Variants in RTN4 observed in about 807,000 individuals in gnomAD.
RTN4 encodes reticulon 4, also known as reticulon-4.
Under a neutral mutation model 90.4 loss-of-function variants are expected in RTN4, and 32 were observed. That is an observed-to-expected ratio of 0.35 (90% confidence interval 0.27 to 0.48). The LOEUF (loss-of-function observed/expected upper bound fraction) is 0.48. RTN4 is among the 20% of genes least tolerant of loss of function. The pLI is 0.99. For synonymous variants in RTN4, 629 were observed against 552.5 expected (o/e 1.14, Z -1.94); for missense variants, 1,706 against 1,430.2 (o/e 1.19, Z -3.11).
At chr2:55,070,536 ACT>A (rs1283196851) in intron 2 of RTN4, among the ~76,000 whole-genome samples, 1 of 122,128 alleles carries the variant, frequency 8.2e-6, no homozygotes, top group Non-Finnish European at 1.6e-5. Flanking sequence ...ACTGAGCAAG[ACT>A]CTGTCTCAAA....
the RTN4 span, among the ~76,000 whole-genome samples, chr2:55,119,669 G>A: frequency 6.6e-6 from 1 of 152,114 alleles, no homozygotes; most frequent in African/African-American, 2.4e-5. Context: ...ATTACAGGGG[G>A]CAAAAAAGCA....
chr2:55,010,181 G>C (rs1214207376), intron 3 of RTN4: 3 of 1,609,890 alleles, frequency 1.9e-6, no homozygotes, highest in African/African-American at 2.7e-5. Flanking sequence ...CAGAAAAGCT[G>C]TAACTGCACA....
intron 5 of RTN4, among the ~76,000 whole-genome samples, chr2:54,981,138 G>A (rs1678084994): frequency 6.6e-6 from 1 of 152,162 alleles, no homozygotes; most frequent in African/African-American, 2.4e-5. Flanking sequence ...TACCCTTGAT[G>A]TTATTAGGAA....
At chr2:54,981,099 G>C (rs575430914) in intron 5 of RTN4, among the ~76,000 whole-genome samples, 2 of 152,180 alleles carry the variant, frequency 1.3e-5, no homozygotes, top group African/African-American at 4.8e-5. Context: ...ATACGAAAGA[G>C]GTAAGTAATA....
intron 2 of RTN4, among the ~76,000 whole-genome samples, chr2:55,073,201 A>G (rs930818942): frequency 6.6e-6 from 1 of 152,228 alleles, no homozygotes; most frequent in Non-Finnish European, 1.5e-5. Context: ...GTGTATTGCT[A>G]TGCATAAACT....
chr2:55,082,522 A>G (rs1443262185), intron 1 of RTN4, among the ~76,000 whole-genome samples: 3 of 152,206 alleles, frequency 2.0e-5, no homozygotes, highest in South Asian at 4.1e-4. Context: ...AGACCAATCT[A>G]TAACACATTT....
At chr2:55,051,838 T>C (rs757508417), upstream of RTN4, among the ~76,000 whole-genome samples, 116 of 152,354 alleles carry the variant, frequency 7.6e-4, no homozygotes, top group Non-Finnish European at 9.8e-4. Flanking sequence ...TTGGGATAAG[T>C]ATAATATTAT....
rs768788957 is a variant in RTN4, at chr2:55,025,187, T to G, written c.2912A>C (p.Lys971Thr). ...QAEIESIVKP[K>T]VLVKEAEKKL... ...TTTCTCAGCTTCTTTCACAAGAACT[T>G]TGGGTTTAACTATGCTCTCTATCTC... The change falls in exon 3 of 9, where the codon AAA becomes ACA. Residue 971 changes from lysine (K) to threonine (T), a missense_variant. Coordinates refer to ENST00000337526, the MANE Select transcript of RTN4 (RefSeq NM_020532.5). 5.6e-6 allele frequency: 9 copies of G among 1,613,692 alleles called. No individual in the cohort carries two copies. Among genetic ancestry groups the G allele is most frequent in the Admixed American group, 1.7e-5 (1 of 59,934 alleles).
intron 3 of RTN4, among the ~76,000 whole-genome samples, chr2:55,016,809 C>T (rs1573389490): frequency 6.6e-6 from 1 of 152,048 alleles, no homozygotes; most frequent in South Asian, 2.1e-4. Flanking sequence ...TAGAAAAAAT[C>T]CTTATTACTA....
chr2:55,091,853 A>ACGAGG (rs373645796), intron 1 of RTN4, among the ~76,000 whole-genome samples: 2 of 151,740 alleles, frequency 1.3e-5, no homozygotes, highest in African/African-American at 4.8e-5. Flanking sequence ...GAAAAATAAA[A>ACGAGG]AAGATGCAAA....
chr2:54,972,421 A>ATGT lies in RTN4; in HGVS notation c.*732_*734dup, dbSNP rs5831331. On this transcript the variant is annotated 3_prime_UTR_variant, in exon 9 of 9. Coordinates refer to ENST00000337526, the MANE Select transcript of RTN4 (RefSeq NM_020532.5). ...ACAGTCAGTCTGTGCAATGAAATTG[A>ATGT]TGTTGGAGTTCTATGTGTGTGGCAT... is the stretch of plus-strand genomic sequence containing the variant. 0.35 allele frequency: 52,968 copies of ATGT among 152,412 alleles called. 10,474 individuals are homozygous for ATGT. Among genetic ancestry groups the ATGT allele is most frequent in the East Asian group, 0.66 (3,395 of 5,160 alleles). The allele number at this position is 152,412 out of a possible 1,614,324, so 9.4% of individuals were successfully genotyped here.
At chr2:54,974,908 A>G in intron 5 of RTN4, 144 bp from the exon 6 acceptor site, 1 of 634,616 alleles carries the variant, frequency 1.6e-6, no homozygotes, top group Non-Finnish European at 2.8e-6. Flanking sequence ...GCAGTTCACT[A>G]TTAAGTCACG....
At chr2:55,058,357 G>C (rs904758410) in intron 2 of RTN4, among the ~76,000 whole-genome samples, 1 of 152,180 alleles carries the variant, frequency 6.6e-6, no homozygotes, top group African/African-American at 2.4e-5. Flanking sequence ...GAGGGAATCA[G>C]GGGTTTCTCT....
rs551610332 is a variant in RTN4, at chr2:54,995,366, T to C, written c.3014-7668A>G. 3.3e-4 allele frequency among the ~76,000 whole-genome samples: 50 copies of C among 152,206 alleles called. 1 individual carries two copies. The highest frequency in any genetic ancestry group is 1.1e-3 in the African/African-American group (44 of 41,524). ...ACAATTTTTGGTGAATCAGTGATGG[T>C]GGTTGTAGTGGTGGTGGGTTAAATC... On this transcript the variant is annotated intron_variant, in intron 3 of 8. Transcript: ENST00000337526.
At chr2:54,980,189 A>G (rs1193125744) in intron 5 of RTN4, among the ~76,000 whole-genome samples, 1 of 152,244 alleles carries the variant, frequency 6.6e-6, no homozygotes. Context: ...TTCAAAAGAA[A>G]TTAAAATATA....
At chr2:55,059,601 AGGTG>A (rs1257880083) in intron 2 of RTN4, among the ~76,000 whole-genome samples, 1 of 152,006 alleles carries the variant, frequency 6.6e-6, no homozygotes, top group Non-Finnish European at 1.5e-5. Flanking sequence ...TGGGAGGCCA[AGGTG>A]GGTGTATCGC....
chr2:55,051,666 T>C (rs1340776710), upstream of RTN4, among the ~76,000 whole-genome samples: 1 of 152,228 alleles, frequency 6.6e-6, no homozygotes, highest in Admixed American at 6.5e-5. Flanking sequence ...TACTGGCTAC[T>C]TGTGGCTACT....
chr2:55,050,352 C>T lies in RTN4; in HGVS notation c.-52G>A, dbSNP rs111973909. On this transcript the variant is annotated 5_prime_UTR_variant, in exon 1 of 9. Transcript: ENST00000337526. This position sits in a 1 kb window ranked among gnomAD's most constrained non-coding sequence, Gnocchi z 4.6. ...GCTGCTGCCGCCGCCGCCGGGGCCG[C>T]GTCTCAGAGCCGCGGGCGGTTGTGG... 8.1e-7 allele frequency: 1 copy of T among 1,238,112 alleles called. No homozygotes were observed. Among genetic ancestry groups the T allele is most frequent in the Non-Finnish European group, 1.1e-6 (1 of 948,448 alleles). 76.7% of individuals were successfully genotyped at this position (1,238,112 alleles called of 1,614,324 possible).
chr2:55,078,116 A>G (rs970037486), intron 2 of RTN4, among the ~76,000 whole-genome samples: 3 of 152,128 alleles, frequency 2.0e-5, no homozygotes, highest in African/African-American at 7.2e-5. Flanking sequence ...AATCTCACAA[A>G]CCACCACTAA....
Sources: gnomAD v4.1 joint callset for allele counts (sites outside exome capture counted in the v4.1 genomes callset) on GRCh38, gnomAD v4.1.1 for gene constraint, Gnocchi (gnomAD v3.1) non-coding constraint, MANE v1.5 for transcripts, NCBI Gene and HGNC (gene_info 2026-07-23, HGNC 2026-07-21) for gene names.